CORIN: variants seen among roughly 807,000 people sequenced by gnomAD.
CORIN encodes the protein atrial natriuretic peptide-converting enzyme.
A neutral mutation model predicts 125.3 loss-of-function variants in CORIN; 117 were observed. That is an observed-to-expected ratio of 0.93 (90% CI 0.80 to 1.09). The LOEUF is 1.09. CORIN is among the 50% of genes least tolerant of loss of function. The pLI, the probability that CORIN is intolerant of heterozygous loss-of-function variation, is 0.00. For synonymous variants in CORIN, 450 were observed against 466.4 expected (o/e 0.96, Z 0.45); for missense variants, 1,253 against 1,306.7 (o/e 0.96, Z 0.63).
chr4:47,605,120 T>C (rs1447205567), intron 19 of CORIN, among the ~76,000 whole-genome samples: 1 of 152,194 alleles, frequency 6.6e-6, no homozygotes, highest in Admixed American at 6.5e-5. Context: ...CATCATCTGC[T>C]CAGAGCTGTT....
At chr4:47,597,351 CAAAAAA>C (rs11420411) in intron 21 of CORIN, among the ~76,000 whole-genome samples, 16 of 117,904 alleles carry the variant, frequency 1.4e-4, no homozygotes, top group African/African-American at 4.6e-4. Context: ...AACTCCATCT[CAAAAAA>C]AAAAAAAAAA....
At chr4:47,739,064 T>C (rs1396950170) in intron 5 of CORIN, among the ~76,000 whole-genome samples, 1 of 151,918 alleles carries the variant, frequency 6.6e-6, no homozygotes, top group Non-Finnish European at 1.5e-5. Context: ...AGGTCCTTAA[T>C]GACTTGGAGG....
rs569168812 is a variant in CORIN, at chr4:47,614,178, C to T, written c.2540+9393G>A. ...GCAGAATGATTTGAAGCTTACTTTA[C>T]CCCCAATTTCTTTTTTTGTTGTTGT... On this transcript the variant is annotated intron_variant, in intron 19 of 21. Coordinates refer to ENST00000273857, the MANE Select transcript of CORIN (RefSeq NM_006587.4). 2.2e-4 allele frequency among the ~76,000 whole-genome samples: 34 copies of T among 152,116 alleles called. No individual in the cohort carries two copies. In the Middle Eastern group the frequency reaches 0.014, roughly 61 times the overall value.
intron 5 of CORIN, among the ~76,000 whole-genome samples, chr4:47,733,068 C>G (rs1413534792): frequency 6.6e-6 from 1 of 152,152 alleles, no homozygotes; most frequent in African/African-American, 2.4e-5. Context: ...TGGTAAACTG[C>G]CTGGTACATA....
chr4:47,644,536 A>T (rs1723381894), intron 14 of CORIN, among the ~76,000 whole-genome samples: 1 of 152,212 alleles, frequency 6.6e-6, no homozygotes, highest in African/African-American at 2.4e-5. Flanking sequence ...TCTGGCTCTA[A>T]AAGCAATGGC....
At chr4:47,688,532 G>A (rs1725625010) in intron 6 of CORIN, among the ~76,000 whole-genome samples, 1 of 152,184 alleles carries the variant, frequency 6.6e-6, no homozygotes, top group Non-Finnish European at 1.5e-5. Context: ...AGCTCGGGTA[G>A]TGGAGGCTGC....
intron 3 of CORIN, among the ~76,000 whole-genome samples, chr4:47,771,890 T>C (rs373338632): frequency 1.6e-4 from 25 of 152,340 alleles, no homozygotes; most frequent in African/African-American, 5.5e-4. Context: ...CAAAAATATG[T>C]AAGTATTTTG....
intron 3 of CORIN, among the ~76,000 whole-genome samples, chr4:47,776,185 A>G (rs1214701124): frequency 6.7e-6 from 1 of 149,590 alleles, no homozygotes; most frequent in Non-Finnish European, 1.5e-5. Context: ...ATGCCCAGCT[A>G]TTTGTATTTT....
chr4:47,765,401 T>C (rs1391855742), intron 3 of CORIN, among the ~76,000 whole-genome samples: 1 of 152,182 alleles, frequency 6.6e-6, no homozygotes, highest in Non-Finnish European at 1.5e-5. Context: ...AACATTCCAC[T>C]ATATGTTGTA....
At chr4:47,631,244 CCCAGCCCCAGGGCCCCTGT>C (rs1371352240) in intron 16 of CORIN, among the ~76,000 whole-genome samples, 1 of 152,136 alleles carries the variant, frequency 6.6e-6, no homozygotes, top group East Asian at 1.9e-4. Context: ...GACAGGGGTC[CCCAGCCCCAGGGCCCCTGT>C]TAGGAACCAG....
chr4:47,630,614 G>C (rs920344877), intron 16 of CORIN, among the ~76,000 whole-genome samples: 3 of 152,180 alleles, frequency 2.0e-5, no homozygotes, highest in Non-Finnish European at 4.4e-5. Context: ...AAGAGTACCA[G>C]TGGAGGCCCA....
chr4:47,732,516 A>G (rs1727920779), intron 5 of CORIN, among the ~76,000 whole-genome samples: 1 of 151,366 alleles, frequency 6.6e-6, no homozygotes, highest in African/African-American at 2.4e-5. Context: ...AGATTTTCCC[A>G]TGGGATTGCT....
chr4:47,764,134 C>T (rs1249180608), intron 3 of CORIN, among the ~76,000 whole-genome samples: 1 of 152,094 alleles, frequency 6.6e-6, no homozygotes, highest in Non-Finnish European at 1.5e-5. Context: ...ATGAAAGATG[C>T]TTCAGAAGAC....
intron 5 of CORIN, among the ~76,000 whole-genome samples, chr4:47,727,358 A>G (rs1225152394): frequency 6.6e-6 from 1 of 152,100 alleles, no homozygotes; most frequent in Non-Finnish European, 1.5e-5. Context: ...AGTCTACACA[A>G]ACCAGTGTTC....
intron 1 of CORIN, among the ~76,000 whole-genome samples, chr4:47,815,347 T>C (rs1434449750): frequency 6.6e-6 from 1 of 152,180 alleles, no homozygotes; most frequent in East Asian, 1.9e-4. Context: ...CTTGCTCAAT[T>C]TAGTTTCCCT....
chr4:47,786,036 A>C (rs916824102), intron 3 of CORIN, among the ~76,000 whole-genome samples: 5 of 152,182 alleles, frequency 3.3e-5, no homozygotes, highest in African/African-American at 1.2e-4. Flanking sequence ...TTACTTATTA[A>C]CTCAAAATAA....
chr4:47,648,181 G>T (rs778759619), intron 13 of CORIN, among the ~76,000 whole-genome samples: 2 of 152,148 alleles, frequency 1.3e-5, no homozygotes, highest in Non-Finnish European at 2.9e-5. Context: ...AAAAGGAAAA[G>T]GATATGATTC....
chr4:47,741,930 C>T (rs970339370), intron 5 of CORIN, among the ~76,000 whole-genome samples: 4 of 151,804 alleles, frequency 2.6e-5, no homozygotes, highest in Non-Finnish European at 4.4e-5. Flanking sequence ...ACTGCTAATG[C>T]GTGTAGGTTT....
intron 6 of CORIN, among the ~76,000 whole-genome samples, chr4:47,689,246 G>A (rs1353957978): frequency 6.6e-6 from 1 of 152,170 alleles, no homozygotes; most frequent in Non-Finnish European, 1.5e-5. Flanking sequence ...CTGCATGCAA[G>A]ACATTGGTCT....
Sources: allele counts gnomAD v4.1 joint callset (sites outside exome capture counted in the v4.1 genomes callset), GRCh38; gene constraint gnomAD v4.1.1; transcripts MANE v1.5; gene names NCBI Gene and HGNC (gene_info 2026-07-23, HGNC 2026-07-21).